TPO: variants seen among roughly 807,000 people sequenced by gnomAD.
The protein encoded by TPO is thyroid peroxidase.
Under a neutral mutation model 96.9 loss-of-function variants are expected in TPO, and 78 were observed. That is an observed-to-expected ratio of 0.81 (90% CI 0.67 to 0.97). The LOEUF (loss-of-function observed/expected upper bound fraction) is 0.97, where lower values mean the gene tolerates loss of function less well. Ranked by LOEUF, TPO falls within the 50% of genes least tolerant of loss-of-function variation. TPO has a pLI of 0.00. For synonymous variants in TPO, 547 were observed against 538.0 expected, an observed-to-expected ratio of 1.02 and a Z score of -0.23; for missense variants, 1,252 against 1,274.8, an observed-to-expected ratio of 0.98 and a Z score of 0.27.
At chr2:1,439,025 A>G in intron 5 of TPO, 2 of 564,824 alleles carry the variant, frequency 3.5e-6, no homozygotes, top group Non-Finnish European at 3.2e-6. Context: ...TTCATAAATC[A>G]TGATCACTCA....
chr2:1,446,114 G>A (rs1417661191), intron 5 of TPO, among the ~76,000 whole-genome samples: 7 of 152,178 alleles, frequency 4.6e-5, no homozygotes, highest in Admixed American at 4.6e-4. Context: ...TGCACCCCCA[G>A]ATGAGAAGCC....
intron 7 of TPO, among the ~76,000 whole-genome samples, chr2:1,475,972 C>CCTGG (rs10629723): frequency 0.52 from 79,226 of 151,722 alleles, 20,929 homozygotes; most frequent in East Asian, 0.77. Context: ...ACCTCCTGTG[C>CCTGG]CTGGGTCCAT....
intron 16 of TPO, 27 bp downstream of exon 16, chr2:1,540,750 C>T: frequency 6.2e-7 from 1 of 1,613,222 alleles, no homozygotes; most frequent in African/African-American, 1.3e-5. Context: ...CGCATGTTTC[C>T]AGCTGCCACC....
chr2:1,506,714 C>G (rs931673273), intron 14 of TPO, among the ~76,000 whole-genome samples: 1 of 152,268 alleles, frequency 6.6e-6, no homozygotes. Flanking sequence ...ATCCTTCACC[C>G]GCTTTTTGAT....
At chr2:1,391,915 G>A (rs550327262) in intron 1 of TPO, among the ~76,000 whole-genome samples, 1 of 152,280 alleles carries the variant, frequency 6.6e-6, no homozygotes, top group African/African-American at 2.4e-5. Context: ...GAGATTTGGG[G>A]CTGAGACGAT....
At chr2:1,414,286 C>T (rs1259725010) in intron 1 of TPO, 122 bp from the exon 2 acceptor site, 1 of 948,360 alleles carries the variant, frequency 1.1e-6, no homozygotes, top group Non-Finnish European at 1.6e-6. Context: ...GGGTCGCTCA[C>T]TGCGGTAGAG....
chr2:1,470,067 C>T (rs956540504), intron 7 of TPO, among the ~76,000 whole-genome samples: 9 of 152,180 alleles, frequency 5.9e-5, no homozygotes, highest in South Asian at 2.1e-4. Flanking sequence ...AATGAGATGG[C>T]GAATTGTATT....
At chr2:1,506,351 C>T (rs58888797) in intron 14 of TPO, among the ~76,000 whole-genome samples, 1 of 75,932 alleles carries the variant, frequency 1.3e-5, no homozygotes, top group African/African-American at 4.1e-5. Context: ...CATATGTGTG[C>T]ATGTGTCTTT....
At chr2:1,439,179 T>C (rs1665909342) in intron 5 of TPO, 1 of 270,844 alleles carries the variant, frequency 3.7e-6, no homozygotes, top group Non-Finnish European at 7.0e-6. Context: ...CCCCAGCTGC[T>C]GGGCGGGCTC....
intron 7 of TPO, among the ~76,000 whole-genome samples, chr2:1,463,196 C>G (rs1357620642): frequency 6.6e-6 from 1 of 152,172 alleles, no homozygotes; most frequent in Non-Finnish European, 1.5e-5. Flanking sequence ...AGGCATGAAC[C>G]TCCTGGCTTG....
At chr2:1,450,081 C>G (rs961899907) in intron 5 of TPO, among the ~76,000 whole-genome samples, 3 of 152,210 alleles carry the variant, frequency 2.0e-5, no homozygotes, top group Non-Finnish European at 4.4e-5. Flanking sequence ...GCTGCTGCCC[C>G]GCTGAGAAAG....
intron 1 of TPO, among the ~76,000 whole-genome samples, chr2:1,404,960 A>G (rs149381278): frequency 0.016 from 2,488 of 152,268 alleles, 72 homozygotes; most frequent in South Asian, 0.11. Context: ...TATGTCATTC[A>G]TTTATTCACT....
At chr2:1,483,107 G>T (rs1670800842) in intron 8 of TPO, among the ~76,000 whole-genome samples, 1 of 152,214 alleles carries the variant, frequency 6.6e-6, no homozygotes, top group Admixed American at 6.5e-5. Context: ...ATCAGATGAG[G>T]AGGCAGTGGG....
chr2:1,407,552 C>T (rs1662265433), intron 1 of TPO, among the ~76,000 whole-genome samples: 1 of 152,142 alleles, frequency 6.6e-6, no homozygotes, highest in Non-Finnish European at 1.5e-5. Context: ...CCAAACTACC[C>T]CCTTTTCTTG....
chr2:1,412,146 C>A (rs2148392026), upstream of TPO, among the ~76,000 whole-genome samples: 1 of 152,350 alleles, frequency 6.6e-6, no homozygotes, highest in East Asian at 1.9e-4. Flanking sequence ...CCACGGGCAC[C>A]TCCAACACAA....
chr2:1,432,003 A>G (rs1665021382), intron 3 of TPO, among the ~76,000 whole-genome samples: 1 of 152,196 alleles, frequency 6.6e-6, no homozygotes, highest in Non-Finnish European at 1.5e-5. Context: ...CTCTTGCTCT[A>G]GGACCTGTCC....
intron 15 of TPO, among the ~76,000 whole-genome samples, chr2:1,529,928 T>TCGG (rs2125217876): frequency 9.5e-5 from 1 of 10,546 alleles, no homozygotes; most frequent in South Asian, 3.1e-3. Context: ...ACCCCCCCCT[T>TCGG]GCAGCCTCCC....
At chr2:1,397,071 C>T (rs78735341) in intron 1 of TPO, among the ~76,000 whole-genome samples, 1,754 of 152,258 alleles carry the variant, frequency 0.012, 23 homozygotes, top group Middle Eastern at 0.044. Context: ...TCATTTTCGT[C>T]ATCTGAAAGG....
At chr2:1,456,389 T>C in intron 7 of TPO, 107 bp downstream of exon 7, 1 of 1,210,718 alleles carries the variant, frequency 8.3e-7, no homozygotes, top group Non-Finnish European at 1.2e-6. Context: ...CTTTGTCCTA[T>C]TCCCAGGGGT....
Sources: gnomAD v4.1 joint callset for allele counts (sites outside exome capture counted in the v4.1 genomes callset) on GRCh38, gnomAD v4.1.1 for gene constraint, MANE v1.5 for transcripts, NCBI Gene and HGNC (gene_info 2026-07-23, HGNC 2026-07-21) for gene names.